Variants in DDX60L observed in about 807,000 individuals in gnomAD.
DDX60L encodes the protein DExD/H-box 60 like, also known as probable ATP-dependent RNA helicase DDX60-like.
A neutral mutation model predicts 211.6 loss-of-function variants in DDX60L; 191 were observed. The observed-to-expected ratio is 0.90, with a 90% confidence interval of 0.80 to 1.02. The LOEUF (loss-of-function observed/expected upper bound fraction) is 1.02. DDX60L is among the 50% of genes least tolerant of loss of function. DDX60L has a pLI of 0.00. For missense variants in DDX60L, 2,007 were observed against 1,984.1 expected, an observed-to-expected ratio of 1.01 and a Z score of -0.22; for synonymous variants, 706 against 694.1, an observed-to-expected ratio of 1.02 and a Z score of -0.27.
rs1745697414 is a variant in DDX60L at position 168,396,003 on chromosome 4, C to T, written c.3613G>A (p.Asp1205Asn). 1 of 1,611,726 alleles carries T rather than the reference C, an allele frequency of 6.2e-7. No individual in the cohort carries two copies. Among genetic ancestry groups the T allele is most frequent in the Non-Finnish European group, 8.5e-7 (1 of 1,178,424 alleles). ...LEISEDCTYA[D>N]VKALHTEITR... ...ATTTCAGTGTGTAGGGCTTTGACAT[C>T]AGCATACGTGCAGTCCTCAGAAATT... The change falls in exon 27 of 38, where the codon GAT (aspartate) becomes AAT (asparagine). Residue 1205 changes from aspartate to asparagine, a missense_variant. Transcript: ENST00000682922.
intron 9 of DDX60L, among the ~76,000 whole-genome samples, chr4:168,444,870 T>C (rs1391197944): frequency 1.1e-5 from 1 of 89,458 alleles, no homozygotes; most frequent in African/African-American, 4.5e-5. Context: ...CTGGGATGCA[T>C]TCAAAGCAGT....
chr4:168,402,915 A>T (rs1191340952), intron 25 of DDX60L, among the ~76,000 whole-genome samples: 1 of 152,262 alleles, frequency 6.6e-6, no homozygotes, highest in Non-Finnish European at 1.5e-5. Context: ...GTCTATTTTT[A>T]AAAATAATTT....
In DDX60L at chr4:168,406,472, T is replaced by C. The variant is rs567272734; in HGVS notation, c.3084+130A>G. On this transcript the variant is annotated intron_variant, in intron 23 of 37. Transcript: ENST00000682922. ...ATGGCTGAAAATAAGAAAAAATAAC[T>C]GATTATTTCAAAATAGCAGCATCAA... 44 of 647,292 alleles carry C rather than the reference T, an allele frequency of 6.8e-5. No individual in the cohort carries two copies. The Middle Eastern group carries it at 1.7e-3, about 25-fold the overall frequency. 40.1% of individuals were successfully genotyped at this position (647,292 alleles called of 1,614,324 possible).
chr4:168,404,705 T>C (rs1747436491), intron 24 of DDX60L, among the ~76,000 whole-genome samples: 1 of 152,322 alleles, frequency 6.6e-6, no homozygotes. Flanking sequence ...CTATTCCATA[T>C]TTGATAATTT....
At chr4:168,431,559 G>A (rs1437828689) in intron 12 of DDX60L, among the ~76,000 whole-genome samples, 1 of 135,796 alleles carries the variant, frequency 7.4e-6, no homozygotes. Flanking sequence ...TTGTGCGGTG[G>A]GGGGTGGGGG....
rs781422981 is a variant in DDX60L, at chr4:168,409,919, A to G, written c.2980-3213T>C. 4.0e-3 allele frequency among the ~76,000 whole-genome samples: 612 copies of G among 152,296 alleles called. 14 individuals are homozygous for G. Among genetic ancestry groups the G allele is most frequent in the Non-Finnish European group, 1.5e-3 (99 of 68,032 alleles). ...AGTTGGGAATAATTATAGTACATTT[A>G]TTATAAAGATGTTGTGAAGGTTAAA... On this transcript the variant is annotated intron_variant, in intron 22 of 37. Transcript: ENST00000682922.
At chr4:168,446,380 A>G (rs1438186513) in intron 9 of DDX60L, among the ~76,000 whole-genome samples, 10 of 152,190 alleles carry the variant, frequency 6.6e-5, no homozygotes, top group Non-Finnish European at 1.5e-4. Flanking sequence ...GAAATCAAAG[A>G]GGATACAAAC....
chr4:168,390,446 C>A, intron 29 of DDX60L: 2 of 1,344,954 alleles, frequency 1.5e-6, no homozygotes, highest in Non-Finnish European at 1.9e-6. Context: ...ACAGCAACAT[C>A]CTAAAAGGTC....
At chr4:168,407,367 C>A (rs1248177669) in intron 22 of DDX60L, among the ~76,000 whole-genome samples, 2 of 152,150 alleles carry the variant, frequency 1.3e-5, no homozygotes, top group African/African-American at 4.8e-5. Context: ...TAGTTGTGTG[C>A]AAAGCACCAT....
At chr4:168,479,195 G>C (rs553476109) in intron 1 of DDX60L, among the ~76,000 whole-genome samples, 1 of 152,204 alleles carries the variant, frequency 6.6e-6, no homozygotes, top group East Asian at 1.9e-4. Context: ...ACAAAAACTT[G>C]TCTCTTTGTA....
chr4:168,455,055 A>T (rs150745434), intron 7 of DDX60L, among the ~76,000 whole-genome samples: 221 of 152,090 alleles, frequency 1.5e-3, no homozygotes, highest in African/African-American at 4.9e-3. Flanking sequence ...TGGCATATAT[A>T]TTACCATGCA....
At chr4:168,447,577 G>A (rs1351947162) in intron 9 of DDX60L, among the ~76,000 whole-genome samples, 1 of 151,972 alleles carries the variant, frequency 6.6e-6, no homozygotes, top group South Asian at 2.1e-4. Flanking sequence ...AAAGACATAT[G>A]CACACATTAT....
chr4:168,448,573 G>A, intron 9 of DDX60L, 65 bp downstream of exon 9: 1 of 1,294,928 alleles, frequency 7.7e-7, no homozygotes, highest in Non-Finnish European at 1.1e-6. Context: ...GTATGTACTG[G>A]AAAATTTATA....
intron 1 of DDX60L, among the ~76,000 whole-genome samples, chr4:168,474,470 AAG>A (rs1759222030): frequency 6.6e-6 from 1 of 152,186 alleles, no homozygotes; most frequent in Non-Finnish European, 1.5e-5. Context: ...TACTGAGAAA[AAG>A]AGATAATTTA....
At chr4:168,413,641 T>C (rs766738738) in intron 22 of DDX60L, among the ~76,000 whole-genome samples, 12 of 151,580 alleles carry the variant, frequency 7.9e-5, no homozygotes, top group African/African-American at 2.9e-4. Flanking sequence ...GAAGTGAGCA[T>C]TAGTGAGCCT....
rs190277964 is a variant in DDX60L at position 168,415,955 on chromosome 4, G to A, written c.2727-156C>T. ...AGTTGACTTCAGAGCTGTGGACTTT[G>A]GGCAAATTCCTCAGCTTCTCTATGC... On this transcript the variant is annotated intron_variant, in intron 20 of 37. Transcript: ENST00000682922. Among the ~76,000 whole-genome samples, 254 of 152,226 alleles carry A rather than the reference G, an allele frequency of 1.7e-3. 2 individuals carry two copies. The Middle Eastern group carries it at 0.017, about 10-fold the overall frequency.
chr4:168,369,414 A>T (rs1312759784), intron 36 of DDX60L, among the ~76,000 whole-genome samples: 1 of 152,056 alleles, frequency 6.6e-6, no homozygotes, highest in Non-Finnish European at 1.5e-5. Flanking sequence ...TTTCTTTTTA[A>T]ATTGCCCAGT....
At chr4:168,453,494 T>C (rs1756096057) in intron 7 of DDX60L, among the ~76,000 whole-genome samples, 1 of 152,180 alleles carries the variant, frequency 6.6e-6, no homozygotes, top group African/African-American at 2.4e-5. Flanking sequence ...ATGCATTTCT[T>C]ATGATTTTCA....
chr4:168,459,230 A>C (rs144491702), intron 5 of DDX60L, among the ~76,000 whole-genome samples: 2,179 of 152,258 alleles, frequency 0.014, 52 homozygotes, highest in African/African-American at 0.049. Flanking sequence ...TCATGCCTGT[A>C]ATCTCAGCAC....
Sources: allele counts gnomAD v4.1 joint callset (sites outside exome capture counted in the v4.1 genomes callset), GRCh38; gene constraint gnomAD v4.1.1; transcripts MANE v1.5; gene names NCBI Gene and HGNC (gene_info 2026-07-23, HGNC 2026-07-21).